The following PHF14 variants were observed in gnomAD, a reference collection of about 807,000 sequenced individuals.
The protein encoded by PHF14 is PHD finger protein 14.
Under a neutral mutation model 117.9 loss-of-function variants are expected in PHF14, and 55 were observed. That is an observed-to-expected ratio of 0.47 (90% CI 0.38 to 0.58). PHF14 has a LOEUF of 0.58. PHF14 is among the 20% of genes least tolerant of loss of function. The pLI is 0.00. For missense variants in PHF14, 978 were observed against 1,122.2 expected (o/e 0.87, Z 1.84); for synonymous variants, 409 against 368.6 (o/e 1.11, Z -1.26).
At chr7:11,029,138 C>T (rs1441682088) in intron 7 of PHF14, among the ~76,000 whole-genome samples, 7 of 152,092 alleles carry the variant, frequency 4.6e-5, no homozygotes, top group South Asian at 2.1e-4. Context: ...ATATTTTATA[C>T]GAGAAGCTGA....
intron 5 of PHF14, among the ~76,000 whole-genome samples, chr7:11,020,083 GTTCT>G (rs1421622063): frequency 5.3e-5 from 8 of 151,676 alleles, no homozygotes; most frequent in Non-Finnish European, 8.8e-5. Context: ...TTATGTCTCA[GTTCT>G]TTCTTTTTTT....
At chr7:11,119,593 C>CA (rs972837801) in intron 17 of PHF14, among the ~76,000 whole-genome samples, 3 of 151,418 alleles carry the variant, frequency 2.0e-5, no homozygotes, top group Non-Finnish European at 3.0e-5. Flanking sequence ...ATCCTGGCTT[C>CA]AAAAAAACAA....
chr7:11,093,471 A>G (rs2906545), intron 16 of PHF14, among the ~76,000 whole-genome samples: 72,580 of 151,900 alleles, frequency 0.48, 17,957 homozygotes, highest in East Asian at 0.85. Flanking sequence ...AAGGCTTCAG[A>G]TTTCTTTGGA....
At chr7:11,118,752 A>G (rs936890475) in intron 17 of PHF14, among the ~76,000 whole-genome samples, 4 of 151,870 alleles carry the variant, frequency 2.6e-5, no homozygotes, top group Non-Finnish European at 5.9e-5. Context: ...AATTGGAATC[A>G]GTATTGATCT....
chr7:11,084,548 A>G (rs1786303416), intron 16 of PHF14, among the ~76,000 whole-genome samples: 1 of 151,194 alleles, frequency 6.6e-6, no homozygotes, highest in Admixed American at 6.6e-5. Context: ...CTCAGTAAAT[A>G]TAGAACTAAG....
chr7:11,117,868 C>T (rs1009853877), intron 17 of PHF14, among the ~76,000 whole-genome samples: 15 of 151,768 alleles, frequency 9.9e-5, no homozygotes, highest in Non-Finnish European at 1.5e-4. Flanking sequence ...ATATAACTGA[C>T]GCATAAAAAA....
Position 11,029,480 on chromosome 7 carries a change from C to G in PHF14, c.1455+662C>G, listed in dbSNP as rs1221253243. Among the ~76,000 whole-genome samples the G allele has an allele frequency of 2.6e-5, 4 of 152,216 alleles. No individual in the cohort carries two copies. The East Asian group carries it at 5.8e-4, about 22-fold the overall frequency. On this transcript the variant is annotated intron_variant, in intron 7 of 17. Transcript: ENST00000634607. ...CGAATATAGAAACAATTTTGAGAAT[C>G]CAGCTACCTTTTTTTATGTCAGTTA... is the stretch of plus-strand genomic sequence containing the variant.
intron 4 of PHF14, among the ~76,000 whole-genome samples, chr7:10,998,363 G>A (rs1562568029): frequency 1.3e-5 from 2 of 152,094 alleles, no homozygotes; most frequent in Non-Finnish European, 2.9e-5. Flanking sequence ...GGGAGGCAGA[G>A]TTGTATAAAT....
chr7:11,047,531 C>T (rs926292466), intron 13 of PHF14, among the ~76,000 whole-genome samples: 1 of 151,308 alleles, frequency 6.6e-6, no homozygotes, highest in Admixed American at 6.6e-5. Flanking sequence ...CGCAGTGGCT[C>T]ATGTCTGTAA....
chr7:11,088,383 G>A (rs1786501242), intron 16 of PHF14, among the ~76,000 whole-genome samples: 1 of 146,612 alleles, frequency 6.8e-6, no homozygotes, highest in African/African-American at 2.6e-5. Flanking sequence ...AAGGTAATGT[G>A]TGTTGTTCAC....
chr7:11,031,832 A>C (rs959581509), intron 7 of PHF14, among the ~76,000 whole-genome samples: 1 of 152,182 alleles, frequency 6.6e-6, no homozygotes, highest in South Asian at 2.1e-4. Context: ...TTATGTTACT[A>C]TGTTTTACAT....
intron 3 of PHF14, among the ~76,000 whole-genome samples, chr7:10,984,248 C>T (rs774623656): frequency 6.0e-4 from 91 of 152,178 alleles, no homozygotes; most frequent in African/African-American, 2.0e-3. Flanking sequence ...TTGGTGATTT[C>T]GTTACCAAAA....
chr7:10,994,056 G>T (rs1782549567), intron 4 of PHF14, among the ~76,000 whole-genome samples: 1 of 151,814 alleles, frequency 6.6e-6, no homozygotes, highest in African/African-American at 2.4e-5. Flanking sequence ...TCTGATAAGA[G>T]GATATTTGAG....
At chr7:11,008,588 A>G (rs1325231065) in intron 4 of PHF14, among the ~76,000 whole-genome samples, 1 of 152,186 alleles carries the variant, frequency 6.6e-6, no homozygotes, top group Non-Finnish European at 1.5e-5. Flanking sequence ...TTCATCCAAA[A>G]TAATCCCCCT....
chr7:11,095,782 T>C (rs2128339862), intron 16 of PHF14, among the ~76,000 whole-genome samples: 1 of 152,264 alleles, frequency 6.6e-6, no homozygotes, highest in Middle Eastern at 3.4e-3. Flanking sequence ...GATGTAAGTA[T>C]CAAGCATCAT....
At chr7:11,137,289 G>A (rs1788248775) in intron 17 of PHF14, among the ~76,000 whole-genome samples, 1 of 152,104 alleles carries the variant, frequency 6.6e-6, no homozygotes, top group Non-Finnish European at 1.5e-5. Flanking sequence ...AGAAGAGGTG[G>A]CCAGTGCCTG....
chr7:11,103,130 GAA>G (rs992090045), intron 16 of PHF14: 2 of 978,628 alleles, frequency 2.0e-6, no homozygotes, highest in African/African-American at 3.5e-5. Flanking sequence ...CAGCAAAAGT[GAA>G]AGACTTGTGA....
At chr7:11,009,548 G>A (rs368548757) in intron 4 of PHF14, among the ~76,000 whole-genome samples, 1 of 152,142 alleles carries the variant, frequency 6.6e-6, no homozygotes, top group East Asian at 1.9e-4. Context: ...AAGAAAATAT[G>A]TTTCCCATAC....
At chr7:11,097,431 G>T (rs1331713527) in intron 16 of PHF14, among the ~76,000 whole-genome samples, 1 of 152,132 alleles carries the variant, frequency 6.6e-6, no homozygotes, top group Non-Finnish European at 1.5e-5. Context: ...AGTCTCCTCA[G>T]TTTTCTAAAT....
Sources: gnomAD v4.1 joint callset for allele counts (sites outside exome capture counted in the v4.1 genomes callset) on GRCh38, gnomAD v4.1.1 for gene constraint, MANE v1.5 for transcripts, NCBI Gene and HGNC (gene_info 2026-07-23, HGNC 2026-07-21) for gene names.